Variants in GPC6 observed in about 807,000 individuals in gnomAD.
GPC6 encodes the protein glypican 6.
In GPC6, 14 loss-of-function variants were observed where a neutral mutation model predicts 55.2. That is an observed-to-expected ratio of 0.25 (90% CI 0.17 to 0.40). The LOEUF is 0.40. Ranked by LOEUF, GPC6 falls within the 10% of genes least tolerant of loss-of-function variation. GPC6 has a pLI of 1.00. For synonymous variants in GPC6, 278 were observed against 259.6 expected (o/e 1.07, Z -0.68); for missense variants, 641 against 708.5 (o/e 0.90, Z 1.08).
At chr13:94,012,097 C>A (rs1882269496) in intron 3 of GPC6, among the ~76,000 whole-genome samples, 1 of 152,132 alleles carries the variant, frequency 6.6e-6, no homozygotes, top group African/African-American at 2.4e-5. Flanking sequence ...ACACCACTGG[C>A]ATCTTTTGAA....
rs551353418 is a variant in GPC6 at position 93,642,429 on chromosome 13, T to G, written c.319+97008T>G. On this transcript the variant is annotated intron_variant, in intron 2 of 8. Transcript: ENST00000377047. ...TTCAGTTAATCCCATATTTTTGCTATTGGGAATAGCACTGCAATGAACATA... is the reference window on the plus strand; with the variant it reads ...TTCAGTTAATCCCATATTTTTGCTAGTGGGAATAGCACTGCAATGAACATA... Among the ~76,000 whole-genome samples, 33 of 152,214 alleles carry G rather than the reference T, an allele frequency of 2.2e-4. No homozygotes were observed. In the South Asian group the frequency reaches 6.6e-3, roughly 31 times the overall value.
At chr13:94,256,641 C>T (rs1263629050) in intron 4 of GPC6, among the ~76,000 whole-genome samples, 1 of 152,132 alleles carries the variant, frequency 6.6e-6, no homozygotes, top group East Asian at 1.9e-4. Context: ...ATATCAGCCG[C>T]ACTGCAAAGT....
At position 93,367,831 on chromosome 13, in the gene GPC6, G is replaced by A. The variant is rs567880211; in HGVS notation, c.160+140215G>A. On this transcript the variant is annotated intron_variant, in intron 1 of 8. Transcript: ENST00000377047. ...TATATTTAATTTGTAAAAATTTGTT[G>A]AGGATTGTTTTATGACCCATAATAT... Among the ~76,000 whole-genome samples the A allele has an allele frequency of 2.6e-5, 4 of 152,098 alleles. No homozygotes were observed. In the South Asian group the frequency reaches 8.3e-4, roughly 32 times the overall value.
chr13:93,703,646 C>T (rs571259138), intron 2 of GPC6, among the ~76,000 whole-genome samples: 33 of 151,972 alleles, frequency 2.2e-4, no homozygotes, highest in African/African-American at 6.5e-4. Context: ...CCCCCGCCCC[C>T]GTTAACAAAT....
At chr13:93,504,756 A>AT (rs1026973365) in intron 1 of GPC6, among the ~76,000 whole-genome samples, 1 of 152,172 alleles carries the variant, frequency 6.6e-6, no homozygotes, top group African/African-American at 2.4e-5. Flanking sequence ...TCTAAAAAAA[A>AT]CAACAACATT....
At chr13:93,841,097 G>A (rs920548511) in intron 3 of GPC6, among the ~76,000 whole-genome samples, 2 of 152,110 alleles carry the variant, frequency 1.3e-5, no homozygotes, top group Non-Finnish European at 2.9e-5. Flanking sequence ...GGCCCAACTT[G>A]AAAGTTTGGA....
At chr13:94,353,907 A>G (rs1878670368) in intron 6 of GPC6, among the ~76,000 whole-genome samples, 1 of 152,098 alleles carries the variant, frequency 6.6e-6, no homozygotes, top group African/African-American at 2.4e-5. Context: ...ACTTTATCCA[A>G]CTCATGCCAC....
intron 4 of GPC6, among the ~76,000 whole-genome samples, chr13:94,051,757 A>G (rs1883956127): frequency 6.6e-6 from 1 of 152,164 alleles, no homozygotes; most frequent in Admixed American, 6.6e-5. Context: ...CATGGCTTCA[A>G]GGAGATTTTT....
chr13:93,423,541 T>C lies in GPC6; in HGVS notation c.161-121722T>C, dbSNP rs938161888. ...AGGATAATATGAATTTCAAGTAATT[T>C]ATTGCTTTCAGTTGTTTTCAGATCT... On this transcript the variant is annotated intron_variant, in intron 1 of 8. Transcript: ENST00000377047. 3.3e-5 allele frequency among the ~76,000 whole-genome samples: 5 copies of C among 152,286 alleles called. No individual in the cohort carries two copies. The East Asian group carries it at 5.8e-4, about 18-fold the overall frequency.
intron 4 of GPC6, among the ~76,000 whole-genome samples, chr13:94,279,315 A>G (rs1438671067): frequency 4.9e-5 from 7 of 141,588 alleles, no homozygotes; most frequent in Non-Finnish European, 1.1e-4. Flanking sequence ...TGTCTATTTT[A>G]TTCTTCTCTT....
chr13:93,541,648 G>A (rs1394593480), intron 1 of GPC6, among the ~76,000 whole-genome samples: 1 of 129,328 alleles, frequency 7.7e-6, no homozygotes, highest in Non-Finnish European at 1.6e-5. Context: ...CACCAACAGT[G>A]TAAAAGTGTT....
intron 6 of GPC6, among the ~76,000 whole-genome samples, chr13:94,373,188 C>G (rs1879668698): frequency 6.6e-6 from 1 of 152,112 alleles, no homozygotes; most frequent in Admixed American, 6.5e-5. Context: ...CAGTTCCTCA[C>G]CAGCAATGGA....
chr13:94,169,582 A>G (rs1888488467), intron 4 of GPC6, among the ~76,000 whole-genome samples: 1 of 152,144 alleles, frequency 6.6e-6, no homozygotes, highest in East Asian at 1.9e-4. Context: ...CCAGAAATAA[A>G]CAGATGCAAA....
intron 3 of GPC6, among the ~76,000 whole-genome samples, chr13:93,916,812 G>A (rs1391863033): frequency 6.6e-6 from 1 of 152,028 alleles, no homozygotes. Flanking sequence ...ATGGGGGAGG[G>A]GAGGGGTGGG....
At chr13:94,303,987 A>C (rs748101665) in intron 5 of GPC6, among the ~76,000 whole-genome samples, 1 of 152,188 alleles carries the variant, frequency 6.6e-6, no homozygotes, top group Non-Finnish European at 1.5e-5. Context: ...GTTTCGCCTT[A>C]GGCTTTACAT....
chr13:93,854,333 A>AT (rs1275239596), intron 3 of GPC6, among the ~76,000 whole-genome samples: 17 of 151,596 alleles, frequency 1.1e-4, no homozygotes, highest in Non-Finnish European at 2.2e-4. Context: ...TTGAAAAACT[A>AT]TTTTTTTCAC....
chr13:94,392,265 A>T (rs186849336), intron 7 of GPC6, among the ~76,000 whole-genome samples: 1 of 152,110 alleles, frequency 6.6e-6, no homozygotes, highest in East Asian at 1.9e-4. Context: ...GGTGGTGCTT[A>T]GTAGGGGTGT....
intron 3 of GPC6, among the ~76,000 whole-genome samples, chr13:94,001,140 T>TTTA (rs1351002428): frequency 6.6e-6 from 1 of 152,164 alleles, no homozygotes; most frequent in African/African-American, 2.4e-5. Context: ...CCAGCAAACA[T>TTTA]TTATTGAACA....
chr13:93,684,875 A>G (rs1196566411), intron 2 of GPC6, among the ~76,000 whole-genome samples: 5 of 152,220 alleles, frequency 3.3e-5, no homozygotes, highest in African/African-American at 1.2e-4. Context: ...ATTTATCTGC[A>G]TGTAGGACAA....
Sources: allele counts gnomAD v4.1 joint callset (sites outside exome capture counted in the v4.1 genomes callset), GRCh38; gene constraint gnomAD v4.1.1; transcripts MANE v1.5; gene names NCBI Gene and HGNC (gene_info 2026-07-23, HGNC 2026-07-21).